Variants in DTNB observed in about 807,000 individuals in gnomAD.
DTNB encodes DTN-B.
Under a neutral mutation model 90.7 loss-of-function variants are expected in DTNB, and 63 were observed. The ratio of observed to expected loss-of-function variants is 0.69; its 90% confidence interval spans 0.57 to 0.86. DTNB has a LOEUF of 0.86. DTNB is among the 40% of genes least tolerant of loss of function. The probability of loss-of-function intolerance (pLI) is 0.00; values close to 1 mark genes in which losing one functional copy is unlikely to be tolerated. For missense variants in DTNB, 744 were observed against 807.1 expected (o/e 0.92, Z 0.95); for synonymous variants, 277 against 286.7 (o/e 0.97, Z 0.34).
At chr2:25,494,387 A>C (rs2068294256) in intron 9 of DTNB, among the ~76,000 whole-genome samples, 1 of 150,002 alleles carries the variant, frequency 6.7e-6, no homozygotes, top group South Asian at 2.1e-4. Flanking sequence ...GGGAACAATA[A>C]ATTTTCAAGT....
In DTNB at chr2:25,606,144, A is replaced by AG. The variant is rs1399971122; in HGVS notation, c.448+1091_448+1092insC. On this transcript the variant is annotated intron_variant, in intron 5 of 20. Coordinates refer to ENST00000406818, the MANE Select transcript of DTNB (RefSeq NM_021907.5). ...ACCTATGAAGTAATCTTGCCGAAAAACTTGTATTAATACTTGAATCTGATC... is the reference window on the plus strand; with the variant it reads ...ACCTATGAAGTAATCTTGCCGAAAAAGCTTGTATTAATACTTGAATCTGATC... Among the ~76,000 whole-genome samples the AG allele has an allele frequency of 1.5e-4, 23 of 152,022 alleles. 1 individual carries two copies. Among genetic ancestry groups the AG allele is most frequent in the African/African-American group, 5.3e-4 (22 of 41,380 alleles).
chr2:25,535,035 G>C (rs909897093), intron 8 of DTNB, among the ~76,000 whole-genome samples: 6 of 148,886 alleles, frequency 4.0e-5, no homozygotes, highest in Non-Finnish European at 7.5e-5. Context: ...CCCAGACGAA[G>C]AGCGGCCGGG....
intron 6 of DTNB, among the ~76,000 whole-genome samples, chr2:25,582,751 A>G (rs2061738902): frequency 6.6e-6 from 1 of 152,198 alleles, no homozygotes; most frequent in Admixed American, 6.5e-5. Flanking sequence ...GTACCTACCC[A>G]AATAGGCTAA....
chr2:25,570,435 G>GA (rs370623129), intron 8 of DTNB, among the ~76,000 whole-genome samples: 14 of 131,024 alleles, frequency 1.1e-4, no homozygotes, highest in South Asian at 4.8e-4. Flanking sequence ...AAAAAAAGAA[G>GA]AAAAAAAAAT....
At chr2:25,538,231 C>A (rs574620537) in intron 8 of DTNB, among the ~76,000 whole-genome samples, 25 of 141,018 alleles carry the variant, frequency 1.8e-4, no homozygotes, top group South Asian at 4.5e-4. Flanking sequence ...ACAACAACAA[C>A]AAAAAATATA....
intron 16 of DTNB, among the ~76,000 whole-genome samples, chr2:25,408,538 C>CAAAAAAAAAAAA (rs11395783): frequency 3.1e-5 from 1 of 32,728 alleles, no homozygotes; most frequent in African/African-American, 9.4e-5. Flanking sequence ...GACTCCATCT[C>CAAAAAAAAAAAA]AAAAAAAAAA....
intron 10 of DTNB, among the ~76,000 whole-genome samples, chr2:25,459,162 A>G (rs558307833): frequency 2.6e-4 from 39 of 151,772 alleles, no homozygotes; most frequent in Admixed American, 2.0e-3. Context: ...GTTTATAAGT[A>G]TTTGTAGGTT....
At chr2:25,550,940 G>A (rs1393520630) in intron 8 of DTNB, among the ~76,000 whole-genome samples, 1 of 152,198 alleles carries the variant, frequency 6.6e-6, no homozygotes, top group Admixed American at 6.5e-5. Flanking sequence ...GTGAGCCACA[G>A]CACCCAGCTG....
chr2:25,451,858 C>T (rs2059342278), intron 11 of DTNB, among the ~76,000 whole-genome samples: 1 of 152,196 alleles, frequency 6.6e-6, no homozygotes, highest in Non-Finnish European at 1.5e-5. Context: ...CGCTGCTCCT[C>T]CACCATCAAA....
chr2:25,542,810 C>A (rs2081567339), intron 8 of DTNB, among the ~76,000 whole-genome samples: 2 of 151,660 alleles, frequency 1.3e-5, no homozygotes, highest in Non-Finnish European at 2.9e-5. Context: ...ATGTACAGTT[C>A]TTTTCTTATC....
intron 2 of DTNB, chr2:25,649,960 T>C: frequency 1.0e-6 from 1 of 961,192 alleles, no homozygotes; most frequent in Non-Finnish European, 1.2e-6. Flanking sequence ...CAGCAGACAC[T>C]ATAGTCACCC....
chr2:25,633,205 T>G (rs946338122), intron 3 of DTNB, among the ~76,000 whole-genome samples: 1 of 152,140 alleles, frequency 6.6e-6, no homozygotes, highest in Admixed American at 6.5e-5. Flanking sequence ...GGTCTCCCTC[T>G]GATGCCGAGC....
chr2:25,582,262 C>T (rs1180212167), intron 6 of DTNB, among the ~76,000 whole-genome samples: 1 of 152,068 alleles, frequency 6.6e-6, no homozygotes, highest in African/African-American at 2.4e-5. Flanking sequence ...AGGACGGAGG[C>T]CCCCAGGGAT....
At chr2:25,505,120 T>C (rs1375916472) in intron 9 of DTNB, among the ~76,000 whole-genome samples, 1 of 152,226 alleles carries the variant, frequency 6.6e-6, no homozygotes, top group African/African-American at 2.4e-5. Context: ...AATGATTGAC[T>C]GATAGATCAT....
chr2:25,634,543 C>A (rs189818944), intron 3 of DTNB, among the ~76,000 whole-genome samples: 1 of 101,040 alleles, frequency 9.9e-6, no homozygotes, highest in Non-Finnish European at 2.5e-5. Context: ...GCCACCACCC[C>A]GTCTGGGAGG....
chr2:25,588,674 T>C (rs1256691906), intron 6 of DTNB, among the ~76,000 whole-genome samples: 1 of 152,094 alleles, frequency 6.6e-6, no homozygotes, highest in Admixed American at 6.6e-5. Flanking sequence ...CTGAGGACAT[T>C]TTAAATGACA....
chr2:25,475,270 A>T (rs575563966), intron 10 of DTNB, among the ~76,000 whole-genome samples: 39 of 152,368 alleles, frequency 2.6e-4, no homozygotes, highest in African/African-American at 9.4e-4. Context: ...CACAGAAATG[A>T]GAAGAAAGCA....
chr2:25,397,040 C>A lies in DTNB; in HGVS notation c.1576-8679G>T, dbSNP rs1444781140. 2.0e-5 allele frequency among the ~76,000 whole-genome samples: 3 copies of A among 150,114 alleles called. No homozygotes were observed. The East Asian group carries it at 5.9e-4, about 29-fold the overall frequency. ...ATAAAGACCAAATACCACCCCCACA[C>A]CCCCACCTCCCCCACCCAAAAAAAA... On this transcript the variant is annotated intron_variant, in intron 16 of 20. Coordinates refer to ENST00000406818, the MANE Select transcript of DTNB (RefSeq NM_021907.5).
intron 9 of DTNB, among the ~76,000 whole-genome samples, chr2:25,496,859 A>G (rs1022097569): frequency 7.9e-5 from 12 of 151,756 alleles, no homozygotes; most frequent in African/African-American, 2.2e-4. Flanking sequence ...AAAAAAAAAA[A>G]GATAATAGTG....
Sources: allele counts gnomAD v4.1 joint callset (sites outside exome capture counted in the v4.1 genomes callset), GRCh38; gene constraint gnomAD v4.1.1; transcripts MANE v1.5; gene names NCBI Gene and HGNC (gene_info 2026-07-23, HGNC 2026-07-21).